The following ARB2A variants were observed in gnomAD, a reference collection of about 807,000 sequenced individuals.
The protein encoded by ARB2A is ARB2 cotranscriptional regulator A, also known as cotranscriptional regulator ARB2A.
At chr5:93,884,337 A>AATAAGACTCTGAAATTTGAT in the ARB2A span, among the ~76,000 whole-genome samples, 2 of 151,660 alleles carry the variant, frequency 1.3e-5, no homozygotes, top group African/African-American at 4.8e-5. Context: ...CTTAATTTGA[A>AATAAGACTCTGAAATTTGAT]ATAAGACTCT....
chr5:93,638,185 G>A, the ARB2A span, among the ~76,000 whole-genome samples: 2 of 152,166 alleles, frequency 1.3e-5, no homozygotes, highest in African/African-American at 4.8e-5. Flanking sequence ...ACTGTAGTAA[G>A]CTGTAACTGA....
chr5:93,851,491 T>A, the ARB2A span, among the ~76,000 whole-genome samples: 1 of 152,192 alleles, frequency 6.6e-6, no homozygotes, highest in South Asian at 2.1e-4. Flanking sequence ...TTAGGGTACA[T>A]GTGCACAATG....
the ARB2A span, among the ~76,000 whole-genome samples, chr5:93,960,599 T>C: frequency 6.6e-6 from 1 of 152,174 alleles, no homozygotes; most frequent in Admixed American, 6.5e-5. Context: ...CAATAAACTT[T>C]TGGAATGAGG....
At chr5:93,741,019 G>T in the ARB2A span, 1 of 1,613,810 alleles carries the variant, frequency 6.2e-7, no homozygotes, top group Non-Finnish European at 8.5e-7. Context: ...TTTCAGCAGT[G>T]GTCGCAGCTT....
chr5:93,640,274 C>T, the ARB2A span, among the ~76,000 whole-genome samples: 1 of 148,902 alleles, frequency 6.7e-6, no homozygotes, highest in East Asian at 2.0e-4. Flanking sequence ...CGTGGTGAAA[C>T]CTGATCTCTA....
At chr5:93,793,745 T>C in the ARB2A span, among the ~76,000 whole-genome samples, 1 of 152,086 alleles carries the variant, frequency 6.6e-6, no homozygotes, top group Non-Finnish European at 1.5e-5. Flanking sequence ...TGCAGGATAT[T>C]AAGGTGTGTC....
the ARB2A span, among the ~76,000 whole-genome samples, chr5:93,624,386 C>T: frequency 3.3e-5 from 5 of 152,216 alleles, no homozygotes; most frequent in South Asian, 6.2e-4. Context: ...CAATAATTTT[C>T]CTAATTTAGA....
chr5:94,086,622 A>T, the ARB2A span, among the ~76,000 whole-genome samples: 78 of 152,276 alleles, frequency 5.1e-4, no homozygotes, highest in African/African-American at 1.8e-3. Flanking sequence ...GCACGATCTC[A>T]GCTCACTGCA....
chr5:93,620,747 T>C, the ARB2A span: 6 of 413,414 alleles, frequency 1.5e-5, no homozygotes, highest in African/African-American at 1.2e-4. Context: ...ATGTGAGCGC[T>C]GACTGGCAGC....
the ARB2A span, among the ~76,000 whole-genome samples, chr5:94,008,773 C>G: frequency 6.6e-6 from 1 of 152,040 alleles, no homozygotes; most frequent in South Asian, 2.1e-4. Context: ...GCATATTGGT[C>G]CTCAAGACTA....
chr5:93,872,952 A>G, the ARB2A span, among the ~76,000 whole-genome samples: 1 of 151,982 alleles, frequency 6.6e-6, no homozygotes, highest in Non-Finnish European at 1.5e-5. Flanking sequence ...ATGGCTGATA[A>G]CTGAGCTTCC....
chr5:93,981,149 G>T, the ARB2A span, among the ~76,000 whole-genome samples: 1 of 150,464 alleles, frequency 6.6e-6, no homozygotes, highest in African/African-American at 2.4e-5. Flanking sequence ...GCTCACTGTA[G>T]CCTTGACCTC....
At chr5:94,064,913 G>A in the ARB2A span, among the ~76,000 whole-genome samples, 9 of 152,080 alleles carry the variant, frequency 5.9e-5, no homozygotes, top group African/African-American at 2.2e-4. Flanking sequence ...CTCACTGTTA[G>A]AGGAAACACA....
At chr5:93,857,224 G>A in the ARB2A span, among the ~76,000 whole-genome samples, 1 of 152,124 alleles carries the variant, frequency 6.6e-6, no homozygotes, top group East Asian at 1.9e-4. Context: ...GGCTGCTCGG[G>A]GGTCAGGAGT....
the ARB2A span, among the ~76,000 whole-genome samples, chr5:93,949,354 A>G: frequency 6.6e-6 from 1 of 151,954 alleles, no homozygotes; most frequent in East Asian, 2.0e-4. Context: ...CAAGGTCAAG[A>G]GATCAAGACC....
chr5:94,049,824 A>C, the ARB2A span, among the ~76,000 whole-genome samples: 1 of 152,238 alleles, frequency 6.6e-6, no homozygotes, highest in Non-Finnish European at 1.5e-5. Context: ...CTGTCTCAAA[A>C]ACAAAACAAA....
the ARB2A span, among the ~76,000 whole-genome samples, chr5:94,010,163 T>G: frequency 3.9e-5 from 6 of 152,190 alleles, no homozygotes; most frequent in African/African-American, 1.4e-4. Context: ...CCTTTCTACT[T>G]TTTTAATAAA....
At chr5:93,901,099 A>C in the ARB2A span, among the ~76,000 whole-genome samples, 1 of 152,188 alleles carries the variant, frequency 6.6e-6, no homozygotes, top group Non-Finnish European at 1.5e-5. Context: ...GGCTGTGCTC[A>C]TTGAGAGGTA....
At chr5:93,998,153 T>A in the ARB2A span, among the ~76,000 whole-genome samples, 3 of 151,894 alleles carry the variant, frequency 2.0e-5, no homozygotes, top group Admixed American at 2.0e-4. Flanking sequence ...AAGAGCGTAA[T>A]GAGAAGGCCC....
Sources: allele counts gnomAD v4.1 joint callset (sites outside exome capture counted in the v4.1 genomes callset), GRCh38; gene constraint gnomAD v4.1.1; transcripts MANE v1.5; gene names NCBI Gene and HGNC (gene_info 2026-07-23, HGNC 2026-07-21).